MATCAP2: variants seen among roughly 807,000 people sequenced by gnomAD.
MATCAP2 encodes putative tyrosine carboxypeptidase MATCAP2.
the MATCAP2 span, among the ~76,000 whole-genome samples, chr7:36,340,646 CACAG>C: frequency 1.3e-5 from 2 of 152,178 alleles, no homozygotes; most frequent in Non-Finnish European, 2.9e-5. Context: ...ACTGGTCCAA[CACAG>C]ACAGACTTAT....
the MATCAP2 span, among the ~76,000 whole-genome samples, chr7:36,385,601 A>C: frequency 4.6e-5 from 7 of 152,002 alleles, no homozygotes; most frequent in African/African-American, 1.7e-4. Context: ...CCTGGGCAAC[A>C]AAGTGAGATC....
chr7:36,373,481 G>T, the MATCAP2 span, among the ~76,000 whole-genome samples: 1 of 152,206 alleles, frequency 6.6e-6, no homozygotes, highest in East Asian at 1.9e-4. Context: ...CCTGAGATAA[G>T]AATAATTTGG....
At chr7:36,355,709 C>T in the MATCAP2 span, 17 of 152,278 alleles carry the variant, frequency 1.1e-4, no homozygotes, top group African/African-American at 4.1e-4. Flanking sequence ...AGGACATGCA[C>T]CACAGGCGAG....
chr7:36,386,018 G>T, the MATCAP2 span, among the ~76,000 whole-genome samples: 5 of 151,892 alleles, frequency 3.3e-5, no homozygotes, highest in African/African-American at 1.2e-4. Context: ...AGCCAGATTT[G>T]GTGGCATATG....
chr7:36,334,160 A>G, the MATCAP2 span: 4 of 1,583,184 alleles, frequency 2.5e-6, no homozygotes, highest in Admixed American at 5.5e-5. Context: ...AATAATGTGT[A>G]CCTATGGAGA....
chr7:36,325,588 G>A, the MATCAP2 span: 3 of 152,228 alleles, frequency 2.0e-5, no homozygotes, highest in Non-Finnish European at 4.4e-5. Flanking sequence ...GCAATCTTGA[G>A]TGGGGTGTTT....
At chr7:36,364,346 C>T in the MATCAP2 span, among the ~76,000 whole-genome samples, 1 of 152,186 alleles carries the variant, frequency 6.6e-6, no homozygotes, top group Non-Finnish European at 1.5e-5. Flanking sequence ...CTCTCCGCCT[C>T]ACAAACTGCT....
chr7:36,357,239 C>G, the MATCAP2 span: 1 of 1,614,110 alleles, frequency 6.2e-7, no homozygotes, highest in East Asian at 2.2e-5. Context: ...TGACACTGAA[C>G]TAGTGACAAA....
At chr7:36,355,750 C>CA in the MATCAP2 span, 1 of 152,056 alleles carries the variant, frequency 6.6e-6, no homozygotes, top group African/African-American at 2.4e-5. Flanking sequence ...ATCCTACAAA[C>CA]AGATTTTCAG....
chr7:36,340,386 G>A, the MATCAP2 span, among the ~76,000 whole-genome samples: 1 of 152,138 alleles, frequency 6.6e-6, no homozygotes, highest in East Asian at 1.9e-4. Flanking sequence ...AAAGCAGTGG[G>A]ATTTTTGTTT....
the MATCAP2 span, chr7:36,366,861 C>T: frequency 1.3e-6 from 2 of 1,497,830 alleles, no homozygotes; most frequent in East Asian, 2.6e-5. Flanking sequence ...CCCCGGGCGG[C>T]GGGACCCCGG....
the MATCAP2 span, chr7:36,366,957 G>A: frequency 9.6e-6 from 13 of 1,351,206 alleles, no homozygotes; most frequent in Non-Finnish European, 1.2e-5. Context: ...CCCGAGGCCC[G>A]GGGCGGCGGG....
chr7:36,387,014 T>C, the MATCAP2 span, among the ~76,000 whole-genome samples: 3 of 152,162 alleles, frequency 2.0e-5, no homozygotes, highest in Admixed American at 6.5e-5. Flanking sequence ...AACAGGATAA[T>C]GGGTACATAA....
chr7:36,346,454 G>T, the MATCAP2 span, among the ~76,000 whole-genome samples: 4 of 152,160 alleles, frequency 2.6e-5, no homozygotes, highest in Non-Finnish European at 5.9e-5. Context: ...AATAAAAAAT[G>T]CTGATGCATG....
the MATCAP2 span, among the ~76,000 whole-genome samples, chr7:36,336,954 G>A: frequency 6.6e-6 from 1 of 151,254 alleles, no homozygotes; most frequent in South Asian, 2.1e-4. Flanking sequence ...AAAATAGCCA[G>A]ACATGGTGGC....
chr7:36,367,210 G>C, the MATCAP2 span: 12 of 1,167,466 alleles, frequency 1.0e-5, no homozygotes, highest in Non-Finnish European at 1.3e-5. Context: ...CTGCCACCGT[G>C]ACGTAGCCGC....
chr7:36,354,347 G>A, the MATCAP2 span, among the ~76,000 whole-genome samples: 5 of 152,218 alleles, frequency 3.3e-5, no homozygotes, highest in Admixed American at 2.0e-4. Context: ...TTCCACTGTG[G>A]CAGACTTATC....
At chr7:36,356,091 T>G in the MATCAP2 span, 2 of 152,248 alleles carry the variant, frequency 1.3e-5, no homozygotes, top group Non-Finnish European at 2.9e-5. Context: ...ACAATTTCAG[T>G]GAAGCATTAA....
chr7:36,331,765 T>A, the MATCAP2 span, among the ~76,000 whole-genome samples: 1 of 152,332 alleles, frequency 6.6e-6, no homozygotes, highest in Non-Finnish European at 1.5e-5. Flanking sequence ...TGAACCTTTT[T>A]CCCATCCTGA....
Sources: gnomAD v4.1 joint callset for allele counts (sites outside exome capture counted in the v4.1 genomes callset) on GRCh38, gnomAD v4.1.1 for gene constraint, MANE v1.5 for transcripts, NCBI Gene and HGNC (gene_info 2026-07-23, HGNC 2026-07-21) for gene names.